Variants in COL23A1 observed in about 807,000 individuals in gnomAD.
COL23A1 encodes the protein collagen type XXIII alpha 1 chain.
A neutral mutation model predicts 99.3 loss-of-function variants in COL23A1; 97 were observed. The observed-to-expected ratio is 0.98, with a 90% CI of 0.83 to 1.16. COL23A1 has a LOEUF of 1.16. Ranked by LOEUF, COL23A1 falls within the 50% of genes most tolerant of loss-of-function variation. The probability of loss-of-function intolerance (pLI) is 0.00; values close to 1 mark genes in which losing one functional copy is unlikely to be tolerated. For synonymous variants in COL23A1, 320 were observed against 308.2 expected (o/e 1.04, Z -0.40); for missense variants, 762 against 757.4 (o/e 1.01, Z -0.07).
chr5:178,531,492 G>C (rs556949267), intron 2 of COL23A1, among the ~76,000 whole-genome samples: 1 of 152,168 alleles, frequency 6.6e-6, no homozygotes, highest in African/African-American at 2.4e-5. Context: ...AAGATAAAAA[G>C]AGCCTGGGAT....
Position 178,428,204 on chromosome 5 carries a change from T to C in COL23A1, c.362-121285A>G, listed in dbSNP as rs576778269. Among the ~76,000 whole-genome samples the C allele has an allele frequency of 6.6e-6, 1 of 152,202 alleles. No homozygotes were observed. The highest frequency in any genetic ancestry group is 1.5e-5 in the Non-Finnish European group (1 of 68,030). The stretch of plus-strand genomic sequence containing the variant: ...AAAGTCCTGAGCAATCGTGTCCCCT[T>C]AGGTGACCAAGCCTTCTGCTGTGGG... On this transcript the variant is annotated intron_variant, in intron 2 of 28. Transcript: ENST00000390654. The surrounding 1 kb of genome is among the most constrained non-coding windows in gnomAD (Gnocchi z 5.0).
rs762161654 is a variant in COL23A1 at position 178,248,195 on chromosome 5, G to T, written c.1209C>A (p.Ser403Arg). 1.4e-5 allele frequency: 23 copies of T among 1,600,154 alleles called. No individual in the cohort carries two copies. The South Asian group carries it at 2.5e-4, about 18-fold the overall frequency. Residue 403 changes from serine (S) to arginine (R), a missense_variant, in exon 20 of 29, where the codon AGC becomes AGA. Transcript: ENST00000390654. ...TGACCCCCCCATACCCCCTTACCAG[G>T]CTCTCCTGTAGGCTGTCAGACGCCG... ...GESASDSLQE[S>R]LAQLIVEPGP...
At chr5:178,250,361 G>T (rs1189475015) in intron 17 of COL23A1, among the ~76,000 whole-genome samples, 1 of 152,168 alleles carries the variant, frequency 6.6e-6, no homozygotes, top group African/African-American at 2.4e-5. Context: ...CTTGCTTCAG[G>T]TCACAGAGCC....
chr5:178,525,874 C>T (rs1760275940), intron 2 of COL23A1, among the ~76,000 whole-genome samples: 1 of 152,272 alleles, frequency 6.6e-6, no homozygotes. Context: ...AGGCCAGAAG[C>T]ACTGGAGAAG....
intron 2 of COL23A1, among the ~76,000 whole-genome samples, chr5:178,346,752 C>G (rs1393479411): frequency 6.6e-6 from 1 of 152,174 alleles, no homozygotes; most frequent in Non-Finnish European, 1.5e-5. Context: ...GTGTCCCAAG[C>G]TGCATTTACG....
intron 2 of COL23A1, among the ~76,000 whole-genome samples, chr5:178,489,313 T>C (rs1757802786): frequency 6.6e-6 from 1 of 152,206 alleles, no homozygotes; most frequent in Non-Finnish European, 1.5e-5. Context: ...CTTCTGCCTT[T>C]GGACTCTGCA....
intron 5 of COL23A1, among the ~76,000 whole-genome samples, chr5:178,288,036 G>A (rs1757250240): frequency 6.6e-6 from 1 of 152,234 alleles, no homozygotes; most frequent in Non-Finnish European, 1.5e-5. Flanking sequence ...ACAGTGCGGG[G>A]GCTGGACTGT....
Position 178,589,962 on chromosome 5 carries a change from C to T in COL23A1, c.236G>A (p.Gly79Glu). The T allele has an allele frequency of 7.5e-7, 1 of 1,329,296 alleles. No individual in the cohort carries two copies. Among genetic ancestry groups the T allele is most frequent in the Non-Finnish European group, 9.6e-7 (1 of 1,046,936 alleles). 82.3% of individuals were successfully genotyped at this position (1,329,296 alleles called of 1,614,324 possible). ...EEERELLRRA[G>E]PPGALDAWAE... The stretch of plus-strand genomic sequence containing the variant: ...CCAGGCGTCCAGGGCGCCTGGCGGC[C>T]CCGCGCGCCGCAGCAGCTCCCGCTC... The change falls in exon 1 of 29, where the codon GGG becomes GAG. Residue 79 changes from glycine to glutamate, a missense_variant. Transcript: ENST00000390654. The surrounding 1 kb of genome is among the most constrained non-coding windows in gnomAD (Gnocchi z 5.4).
At chr5:178,314,395 GA>G (rs1305941246) in intron 2 of COL23A1, among the ~76,000 whole-genome samples, 2 of 152,134 alleles carry the variant, frequency 1.3e-5, no homozygotes, top group Non-Finnish European at 2.9e-5. Flanking sequence ...TGTTTGTTTG[GA>G]ACAACGGTTA....
chr5:178,486,462 C>A, intron 2 of COL23A1, among the ~76,000 whole-genome samples: 1 of 152,210 alleles, frequency 6.6e-6, no homozygotes, highest in East Asian at 1.9e-4. Context: ...GTGTAGAAAG[C>A]AAAACGTTGA....
At chr5:178,559,928 G>A (rs1335284310) in intron 2 of COL23A1, among the ~76,000 whole-genome samples, 1 of 151,306 alleles carries the variant, frequency 6.6e-6, no homozygotes, top group Admixed American at 6.6e-5. Context: ...TTCCCTGCAC[G>A]TCGGGAAGTC....
chr5:178,403,907 C>T (rs537865957), intron 2 of COL23A1, among the ~76,000 whole-genome samples: 56 of 152,352 alleles, frequency 3.7e-4, no homozygotes, highest in African/African-American at 9.4e-4. Flanking sequence ...ATCATGGCCT[C>T]GAAGCCACAG....
chr5:178,375,504 C>T lies in COL23A1; in HGVS notation c.362-68585G>A, dbSNP rs1164684161. Among the ~76,000 whole-genome samples the T allele has an allele frequency of 2.6e-5, 4 of 152,236 alleles. No individual in the cohort carries two copies. The East Asian group carries it at 5.8e-4, about 22-fold the overall frequency. On this transcript the variant is annotated intron_variant, in intron 2 of 28. Coordinates refer to ENST00000390654, the MANE Select transcript of COL23A1 (RefSeq NM_173465.4). ...AATGACTTTCTGTCTCACACAGAGT[C>T]GATGGTCTCACCTCACGATGGCCCA...
In COL23A1 at chr5:178,589,863, A is replaced by T; in HGVS notation, c.294+41T>A. On this transcript the variant is annotated intron_variant, in intron 1 of 28. Coordinates refer to ENST00000390654, the MANE Select transcript of COL23A1 (RefSeq NM_173465.4). This position sits in a 1 kb window ranked among gnomAD's most constrained non-coding sequence, Gnocchi z 5.4. The stretch of plus-strand genomic sequence containing the variant: ...CCAGCGTACCGCCACCCTCAACCCG[A>T]CACACCCAAGTCCGCCCCAGCCACG... 7.9e-7 allele frequency: 1 copy of T among 1,266,616 alleles called. No homozygotes were observed. Among genetic ancestry groups the T allele is most frequent in the Non-Finnish European group, 9.9e-7 (1 of 1,008,104 alleles). The allele number at this position is 1,266,616 out of a possible 1,614,324, so 78.5% of individuals were successfully genotyped here. A position where few individuals can be genotyped will look rare whatever the true frequency, so the allele number is the denominator to read the frequency against.
At chr5:178,242,669 C>T (rs1405299782) in intron 25 of COL23A1, among the ~76,000 whole-genome samples, 2 of 152,250 alleles carry the variant, frequency 1.3e-5, no homozygotes, top group South Asian at 2.1e-4. Flanking sequence ...CTGTCTCTCA[C>T]ATCACAGACG....
chr5:178,355,269 C>T (rs1168272405), intron 2 of COL23A1, among the ~76,000 whole-genome samples: 1 of 66,352 alleles, frequency 1.5e-5, no homozygotes, highest in South Asian at 5.1e-4. Context: ...CCACAAAGAA[C>T]CTCAAATAAA....
intron 2 of COL23A1, among the ~76,000 whole-genome samples, chr5:178,312,933 G>C (rs148293493): frequency 6.6e-6 from 1 of 152,224 alleles, no homozygotes. Flanking sequence ...CAGCCAAAAG[G>C]TGGAAGCAAC....
At chr5:178,411,495 T>C (rs146441585) in intron 2 of COL23A1, among the ~76,000 whole-genome samples, 14 of 152,274 alleles carry the variant, frequency 9.2e-5, no homozygotes, top group African/African-American at 3.1e-4. Context: ...CATATTACAA[T>C]GTGGATGAAC....
chr5:178,450,113 C>T (rs1767401621), intron 2 of COL23A1, among the ~76,000 whole-genome samples: 1 of 152,146 alleles, frequency 6.6e-6, no homozygotes, highest in African/African-American at 2.4e-5. Context: ...ACCCTCACGG[C>T]CCTATGGTGA....
Sources: gnomAD v4.1 joint callset for allele counts (sites outside exome capture counted in the v4.1 genomes callset) on GRCh38, gnomAD v4.1.1 for gene constraint, Gnocchi (gnomAD v3.1) non-coding constraint, MANE v1.5 for transcripts, NCBI Gene and HGNC (gene_info 2026-07-23, HGNC 2026-07-21) for gene names.